Variants in INSR observed in about 807,000 individuals in gnomAD.
INSR encodes insulin receptor.
A neutral mutation model predicts 142.6 loss-of-function variants in INSR; 67 were observed. That is an observed-to-expected ratio of 0.47 (90% CI 0.39 to 0.58). The LOEUF (loss-of-function observed/expected upper bound fraction) is 0.58. INSR is among the 20% of genes least tolerant of loss of function. The pLI, the probability that INSR is intolerant of heterozygous loss-of-function variation, is 0.00. For missense variants in INSR, 1,248 were observed against 1,833.2 expected, an observed-to-expected ratio of 0.68 and a Z score of 5.83; for synonymous variants, 756 against 743.1, an observed-to-expected ratio of 1.02 and a Z score of -0.28.
chr19:7,213,291 C>T (rs1318461697), intron 2 of INSR, among the ~76,000 whole-genome samples: 1 of 142,592 alleles, frequency 7.0e-6, no homozygotes, highest in Non-Finnish European at 1.5e-5. Context: ...TTGCAGTGAG[C>T]CAAGATCGCA....
chr19:7,146,989 ATAGTT>A (rs1190804188), intron 11 of INSR, among the ~76,000 whole-genome samples: 4 of 152,058 alleles, frequency 2.6e-5, no homozygotes, highest in Non-Finnish European at 5.9e-5. Flanking sequence ...TTATAGTTTT[ATAGTT>A]TAAAGTTTAT....
rs1180236066 is a variant in INSR, at chr19:7,114,618, A to C, written c.*2438T>G. On this transcript the variant is annotated 3_prime_UTR_variant, in exon 22 of 22. Coordinates refer to ENST00000302850, the MANE Select transcript of INSR (RefSeq NM_000208.4). ...GTTCCAGGTAGAATTCTGAAATCTC[A>C]AAGATGTCCATGATTGAATCACATC... 2 of 152,590 alleles carry C rather than the reference A, an allele frequency of 1.3e-5. No homozygotes were observed. The highest frequency in any genetic ancestry group is 4.8e-5 in the African/African-American group (2 of 41,448). 9.5% of individuals were successfully genotyped at this position (152,590 alleles called of 1,614,324 possible). A position where few individuals can be genotyped will look rare whatever the true frequency, so the allele number is the denominator to read the frequency against.
intron 11 of INSR, among the ~76,000 whole-genome samples, chr19:7,144,854 T>C (rs1206568782): frequency 6.6e-5 from 10 of 152,178 alleles, no homozygotes; most frequent in Middle Eastern, 3.4e-3. Flanking sequence ...AGCTAAATGG[T>C]TGTCCAGAAA....
chr19:7,122,506 C>T (rs1972518038), intron 19 of INSR, 108 bp downstream of exon 19: 1 of 1,188,592 alleles, frequency 8.4e-7, no homozygotes, highest in Non-Finnish European at 1.2e-6. Context: ...AAGTATCTTG[C>T]CCCTTTATAT....
rs572540903 is a variant in INSR at position 7,280,125 on chromosome 19, G to A, written c.101-12229C>T. On this transcript the variant is annotated intron_variant, in intron 1 of 21. Coordinates refer to ENST00000302850, the MANE Select transcript of INSR (RefSeq NM_000208.4). ...CTAAAAATACAAAAATTAGCCGGGC[G>A]TGGTGGCAGGCGCCTGTAGTCCCAG... Among the ~76,000 whole-genome samples the A allele has an allele frequency of 2.3e-3, 343 of 151,972 alleles. 5 individuals are homozygous for A. Among genetic ancestry groups the A allele is most frequent in the Non-Finnish European group, 1.8e-3 (125 of 67,960 alleles).
At chr19:7,282,504 G>A (rs1968230247) in intron 1 of INSR, among the ~76,000 whole-genome samples, 1 of 151,202 alleles carries the variant, frequency 6.6e-6, no homozygotes, top group East Asian at 2.0e-4. Context: ...GCAACATGGG[G>A]AAACCCCATC....
chr19:7,120,729 T>C lies in INSR; in HGVS notation c.3550A>G (p.Ile1184Val), dbSNP rs1972471211. 1 of 1,613,966 alleles carries C rather than the reference T, an allele frequency of 6.2e-7. No individual in the cohort carries two copies. Among genetic ancestry groups the C allele is most frequent in the Admixed American group, 1.7e-5 (1 of 59,994 alleles). ...TTCCGGTAGTAATCCGTTTCATAGA[T>C]GTCTCTGGTCATTCCAAAGTCTGAC... ...KIGDFGMTRD[I>V]YETDYYRKGG... The change falls in exon 20 of 22, where the codon ATC (isoleucine) becomes GTC (valine). Residue 1184 changes from isoleucine to valine, a missense_variant. Transcript: ENST00000302850.
rs762482318 is a variant in INSR at position 7,264,263 on chromosome 19, G to GATT, written c.652+3081_652+3082insAAT. On this transcript the variant is annotated intron_variant, in intron 2 of 21. Transcript: ENST00000302850. ...CAGGAAAATTGCTTGAACCTAGGAG[G>GATT]TGGAGGTTGCAGTGAGCCGAGATTG... Among the ~76,000 whole-genome samples, 327 of 152,024 alleles carry GATT rather than the reference G, an allele frequency of 2.2e-3. 2 individuals are homozygous for GATT. The highest frequency in any genetic ancestry group is 4.1e-3 in the Non-Finnish European group (280 of 68,008).
chr19:7,237,051 T>C (rs1308495593), intron 2 of INSR, among the ~76,000 whole-genome samples: 1 of 144,512 alleles, frequency 6.9e-6, no homozygotes, highest in Non-Finnish European at 1.5e-5. Context: ...AAAGATACAA[T>C]AGACTTTGGG....
At chr19:7,238,484 G>C (rs1976231766) in intron 2 of INSR, among the ~76,000 whole-genome samples, 1 of 151,806 alleles carries the variant, frequency 6.6e-6, no homozygotes. Flanking sequence ...AGCCGGGCGT[G>C]GTGGCATGCA....
At chr19:7,250,646 G>A (rs560510505) in intron 2 of INSR, among the ~76,000 whole-genome samples, 2 of 151,358 alleles carry the variant, frequency 1.3e-5, no homozygotes, top group South Asian at 2.1e-4. Context: ...GAGAGTTCGG[G>A]CAACCGTGTT....
intron 13 of INSR, among the ~76,000 whole-genome samples, chr19:7,139,737 G>C (rs1973020935): frequency 6.6e-6 from 1 of 151,022 alleles, no homozygotes. Context: ...AGAATGACAA[G>C]TTCAGTAAGG....
At chr19:7,144,990 A>G (rs775328148) in intron 11 of INSR, among the ~76,000 whole-genome samples, 8 of 151,836 alleles carry the variant, frequency 5.3e-5, no homozygotes, top group Non-Finnish European at 1.2e-4. Context: ...TCTTTAACCC[A>G]AGAGATTAAA....
intron 9 of INSR, among the ~76,000 whole-genome samples, chr19:7,161,238 CTT>C (rs201486860): frequency 7.0e-6 from 1 of 143,266 alleles, no homozygotes; most frequent in East Asian, 2.0e-4. Flanking sequence ...CACTTAATGC[CTT>C]TTTTTTTTAA....
chr19:7,124,700 A>C (rs1266022670), intron 17 of INSR, among the ~76,000 whole-genome samples: 3 of 142,956 alleles, frequency 2.1e-5, no homozygotes, highest in African/African-American at 5.2e-5. Flanking sequence ...GAAGCTCTAC[A>C]GGGGCAGGTA....
At chr19:7,238,961 T>TAAAA in intron 2 of INSR, among the ~76,000 whole-genome samples, 1 of 8,942 alleles carries the variant, frequency 1.1e-4, no homozygotes, top group African/African-American at 6.0e-4. Context: ...AGATGAATTC[T>TAAAA]CAAAAAAAAA....
At chr19:7,162,083 T>C (rs1053650930) in intron 9 of INSR, among the ~76,000 whole-genome samples, 26 of 151,848 alleles carry the variant, frequency 1.7e-4, no homozygotes, top group African/African-American at 5.8e-4. Flanking sequence ...TCACAGCACT[T>C]TGGGAGGCCG....
intron 10 of INSR, among the ~76,000 whole-genome samples, chr19:7,151,188 C>CTT (rs1160784032): frequency 1.0e-5 from 1 of 97,706 alleles, no homozygotes. Flanking sequence ...TTCTTTCTTT[C>CTT]TTTCTTTCTT....
intron 1 of INSR, among the ~76,000 whole-genome samples, chr19:7,269,063 G>A (rs1005404246): frequency 8.8e-4 from 58 of 65,740 alleles, no homozygotes; most frequent in African/African-American, 3.5e-3. Context: ...CACACACACC[G>A]CCTCCCCAAC....
Sources: allele counts gnomAD v4.1 joint callset (sites outside exome capture counted in the v4.1 genomes callset), GRCh38; gene constraint gnomAD v4.1.1; transcripts MANE v1.5; gene names NCBI Gene and HGNC (gene_info 2026-07-23, HGNC 2026-07-21).